ERBB4: variants seen among roughly 807,000 people sequenced by gnomAD.
ERBB4 encodes the protein erb-b2 receptor tyrosine kinase 4.
ERBB4 carries 42 observed loss-of-function variants against 158.0 expected under a neutral mutation model. The ratio of observed to expected loss-of-function variants is 0.27; its 90% CI spans 0.21 to 0.34. The LOEUF (loss-of-function observed/expected upper bound fraction) is 0.34, where lower values mean the gene tolerates loss of function less well. Ranked by LOEUF, ERBB4 falls within the 10% of genes least tolerant of loss-of-function variation. ERBB4 has a pLI of 1.00. For synonymous variants in ERBB4, 583 were observed against 558.7 expected, an observed-to-expected ratio of 1.04 and a Z score of -0.61; for missense variants, 1,333 against 1,624.1, an observed-to-expected ratio of 0.82 and a Z score of 3.08.
chr2:211,438,018 G>A (rs2063893190), intron 20 of ERBB4, among the ~76,000 whole-genome samples: 1 of 152,174 alleles, frequency 6.6e-6, no homozygotes, highest in Non-Finnish European at 1.5e-5. Flanking sequence ...AGGAGGCTCA[G>A]TAATGGAATC....
chr2:212,473,427 G>C (rs564146265), intron 1 of ERBB4, among the ~76,000 whole-genome samples: 1 of 152,070 alleles, frequency 6.6e-6, no homozygotes, highest in African/African-American at 2.4e-5. Flanking sequence ...GTGAAAATTT[G>C]TTTTACATCA....
At chr2:211,819,627 G>A (rs893850653) in intron 3 of ERBB4, among the ~76,000 whole-genome samples, 3 of 151,886 alleles carry the variant, frequency 2.0e-5, no homozygotes, top group Non-Finnish European at 2.9e-5. Flanking sequence ...AGAGAGGCAG[G>A]GGCACTTTCA....
chr2:212,452,327 C>T (rs1280256634), intron 1 of ERBB4, among the ~76,000 whole-genome samples: 2 of 152,044 alleles, frequency 1.3e-5, no homozygotes, highest in African/African-American at 4.8e-5. Context: ...GTAAAAATAA[C>T]ATTTAACAGT....
At chr2:211,385,880 T>TAGCCTA (rs1198662020) in intron 27 of ERBB4, among the ~76,000 whole-genome samples, 2 of 152,184 alleles carry the variant, frequency 1.3e-5, no homozygotes, top group African/African-American at 4.8e-5. Flanking sequence ...TACATTTGTG[T>TAGCCTA]CATTACTAGG....
chr2:211,682,085 C>CACACACACACACACACACACAT (rs59564874), intron 12 of ERBB4, among the ~76,000 whole-genome samples: 7 of 149,722 alleles, frequency 4.7e-5, no homozygotes, highest in African/African-American at 1.7e-4. Context: ...CACACACACA[C>CACACACACACACACACACACAT]ACACACAATT....
Position 212,124,827 on chromosome 2 carries a change from A to G in ERBB4, c.159T>C (p.Tyr53=), listed in dbSNP as rs2079870989. 4 of 1,614,104 alleles carry G rather than the reference A, an allele frequency of 2.5e-6. No individual in the cohort carries two copies. Among genetic ancestry groups the G allele is most frequent in the Non-Finnish European group, 2.5e-6 (3 of 1,180,034 alleles). ...TGCCCATGACAACCTCACAGTTTTC[A>G]TAGTACTTGCGCAAGGCTCGGTACT... ...EQQYRALRKY[Y]ENCEVVMGNL... The change falls in exon 2 of 28, where the codon TAT becomes TAC. Residue 53 remains tyrosine (Y), a synonymous_variant. Transcript: ENST00000342788.
At chr2:211,927,789 T>A (rs550439057) in intron 3 of ERBB4, among the ~76,000 whole-genome samples, 10 of 152,152 alleles carry the variant, frequency 6.6e-5, no homozygotes, top group Middle Eastern at 3.4e-3. Flanking sequence ...ATCTAGAAGT[T>A]AAGGAAGTTT....
chr2:211,645,526 A>C (rs991260791), intron 16 of ERBB4, among the ~76,000 whole-genome samples: 1 of 151,726 alleles, frequency 6.6e-6, no homozygotes, highest in Non-Finnish European at 1.5e-5. Flanking sequence ...CCAATTAATA[A>C]ATCAACAGAC....
intron 2 of ERBB4, among the ~76,000 whole-genome samples, chr2:212,116,334 C>T (rs572227452): frequency 1.7e-4 from 26 of 152,090 alleles, no homozygotes; most frequent in Middle Eastern, 6.9e-3. Flanking sequence ...AATACTTCTT[C>T]AAATATTTAC....
chr2:211,456,370 C>G (rs113316697), intron 20 of ERBB4, among the ~76,000 whole-genome samples: 2,554 of 152,206 alleles, frequency 0.017, 21 homozygotes, highest in African/African-American at 0.027. Context: ...CAGTATCATG[C>G]AAACTTTAGG....
intron 1 of ERBB4, among the ~76,000 whole-genome samples, chr2:212,515,822 C>A (rs1259709038): frequency 1.3e-5 from 2 of 151,830 alleles, no homozygotes; most frequent in African/African-American, 4.8e-5. Flanking sequence ...AATTTTTGAC[C>A]TTGCAAATAT....
intron 1 of ERBB4, among the ~76,000 whole-genome samples, chr2:212,211,142 C>G (rs1170726635): frequency 6.6e-6 from 1 of 152,126 alleles, no homozygotes; most frequent in Non-Finnish European, 1.5e-5. Flanking sequence ...TGCATCCACT[C>G]ACTTACTTAT....
At chr2:211,524,610 C>T (rs992292148) in intron 20 of ERBB4, among the ~76,000 whole-genome samples, 10 of 151,456 alleles carry the variant, frequency 6.6e-5, no homozygotes, top group South Asian at 2.1e-4. Context: ...CCTCCGCAGC[C>T]GCTGGCCCGG....
intron 1 of ERBB4, among the ~76,000 whole-genome samples, chr2:212,191,895 T>C (rs1043888558): frequency 2.6e-4 from 30 of 117,282 alleles, no homozygotes; most frequent in Non-Finnish European, 3.6e-4. Context: ...ACATGTTATA[T>C]ATTATATATG....
chr2:212,048,080 G>C (rs2077304133), intron 2 of ERBB4, among the ~76,000 whole-genome samples: 1 of 152,154 alleles, frequency 6.6e-6, no homozygotes, highest in Admixed American at 6.6e-5. Context: ...TGAAGTCAGG[G>C]AAGAAAAAGT....
chr2:212,311,576 T>A (rs945104103), intron 1 of ERBB4, among the ~76,000 whole-genome samples: 1 of 150,998 alleles, frequency 6.6e-6, no homozygotes, highest in African/African-American at 2.4e-5. Flanking sequence ...TTTCTTTAAA[T>A]GCCTACTTTC....
At chr2:212,191,957 GTT>G (rs2082258328) in intron 1 of ERBB4, among the ~76,000 whole-genome samples, 1 of 107,594 alleles carries the variant, frequency 9.3e-6, no homozygotes, top group African/African-American at 3.8e-5. Flanking sequence ...TGTTATATAT[GTT>G]ATATATGTTA....
At chr2:211,944,621 A>T (rs1427541101) in intron 3 of ERBB4, among the ~76,000 whole-genome samples, 1 of 152,128 alleles carries the variant, frequency 6.6e-6, no homozygotes, top group East Asian at 1.9e-4. Flanking sequence ...CAGATGAATA[A>T]AAATTATTTG....
chr2:212,023,717 G>GA (rs939106884), intron 2 of ERBB4, among the ~76,000 whole-genome samples: 253 of 143,402 alleles, frequency 1.8e-3, no homozygotes, highest in African/African-American at 4.9e-3. Context: ...CTTTTCTTTT[G>GA]AAAAAAAAAA....
Sources: allele counts gnomAD v4.1 joint callset (sites outside exome capture counted in the v4.1 genomes callset), GRCh38; gene constraint gnomAD v4.1.1; transcripts MANE v1.5; gene names NCBI Gene and HGNC (gene_info 2026-07-23, HGNC 2026-07-21).